Variants in KIAA1671 observed in about 807,000 individuals in gnomAD.
KIAA1671 encodes uncharacterized protein KIAA1671.
Under a neutral mutation model 131.2 loss-of-function variants are expected in KIAA1671, and 52 were observed. The ratio of observed to expected loss-of-function variants is 0.40; its 90% CI spans 0.32 to 0.50. The LOEUF is 0.50. Among genes scored for constraint, KIAA1671 ranks in the 20% least tolerant of loss-of-function variants. The pLI is 0.73. For missense variants in KIAA1671, 2,360 were observed against 2,364.2 expected (o/e 1.00, Z 0.04); for synonymous variants, 1,003 against 961.6 (o/e 1.04, Z -0.80).
chr22:24,970,869 A>G (rs368052658), intron 1 of KIAA1671, among the ~76,000 whole-genome samples: 1 of 152,206 alleles, frequency 6.6e-6, no homozygotes, highest in East Asian at 1.9e-4. Context: ...AGCACCAACA[A>G]TGCAGACTGA....
chr22:25,189,136 T>C (rs1934581672), intron 11 of KIAA1671, among the ~76,000 whole-genome samples: 1 of 149,906 alleles, frequency 6.7e-6, no homozygotes, highest in Non-Finnish European at 1.5e-5. Context: ...CTTTTTTTTT[T>C]TTTTTTTTTG....
At chr22:25,161,687 A>T (rs1933449160) in intron 6 of KIAA1671, among the ~76,000 whole-genome samples, 2 of 152,126 alleles carry the variant, frequency 1.3e-5, no homozygotes, top group African/African-American at 4.8e-5. Flanking sequence ...GACGGTCCTG[A>T]CAGCTGGGCG....
At chr22:25,076,922 G>A (rs1400532918) in intron 6 of KIAA1671, among the ~76,000 whole-genome samples, 1 of 152,160 alleles carries the variant, frequency 6.6e-6, no homozygotes, top group African/African-American at 2.4e-5. Flanking sequence ...TGCAATTAGG[G>A]AAACTGAGGC....
intron 11 of KIAA1671, among the ~76,000 whole-genome samples, chr22:25,188,070 G>A (rs1345585166): frequency 1.3e-5 from 2 of 152,258 alleles, no homozygotes; most frequent in Admixed American, 6.5e-5. Flanking sequence ...GGAGGCTGAG[G>A]TGGGCGGATC....
chr22:25,182,004 C>A (rs964857283), intron 10 of KIAA1671, among the ~76,000 whole-genome samples, 181 bp downstream of exon 10: 2 of 152,044 alleles, frequency 1.3e-5, no homozygotes, highest in African/African-American at 2.4e-5. Flanking sequence ...GGTGAAACCC[C>A]GTCTCTACTA....
chr22:25,039,198 T>C lies in KIAA1671; in HGVS notation c.2068T>C (p.Leu690=). 1.3e-6 allele frequency: 2 copies of C among 1,552,158 alleles called. No homozygotes were observed. The highest frequency in any genetic ancestry group is 2.0e-5 in the Admixed American group (1 of 51,014). ...ETEKLGPTTL[L]NGELRPYHTP... ...GGAGAAATTGGGACCAACCACCCTT[T>C]TGAATGGTGAACTGAGACCGTATCA... The change falls in exon 5 of 13, where the codon TTG becomes CTG. Residue 690 remains leucine, a synonymous_variant. Transcript: ENST00000358431.
chr22:25,178,959 G>A (rs1934153302), intron 9 of KIAA1671, among the ~76,000 whole-genome samples: 1 of 152,226 alleles, frequency 6.6e-6, no homozygotes, highest in African/African-American at 2.4e-5. Flanking sequence ...TGACCTGCAC[G>A]TGCTGACCAG....
intron 1 of KIAA1671, among the ~76,000 whole-genome samples, chr22:24,971,636 A>C (rs1407083243): frequency 6.6e-6 from 1 of 152,090 alleles, no homozygotes; most frequent in African/African-American, 2.4e-5. Context: ...ACAACATGGT[A>C]CATTCCCAGT....
chr22:25,129,026 G>A (rs1932311610), intron 6 of KIAA1671, among the ~76,000 whole-genome samples: 1 of 152,102 alleles, frequency 6.6e-6, no homozygotes, highest in South Asian at 2.1e-4. Flanking sequence ...GCCGCACTTA[G>A]TGCCAGGGCC....
In KIAA1671 at chr22:25,170,923, G is replaced by A. The variant is rs1043753527; in HGVS notation, c.4634G>A (p.Cys1545Tyr). The A allele has an allele frequency of 1.9e-6, 3 of 1,551,664 alleles. No homozygotes were observed. Among genetic ancestry groups the A allele is most frequent in the Non-Finnish European group, 2.6e-6 (3 of 1,146,992 alleles). The change falls in exon 7 of 13, where the codon TGC (cysteine) becomes TAC (tyrosine). Residue 1545 changes from cysteine (C) to tyrosine (Y), a missense_variant. Transcript: ENST00000358431. ...CAGTATGGGACGTGGACAGAGCAGT[G>A]CCAGAGTGGGGAGAGGTAGGACGCG... The part of the protein sequence containing the change: ...GSQYGTWTEQ[C>Y]QSGESLATES...
chr22:24,977,343 G>A (rs1437482757), intron 1 of KIAA1671, among the ~76,000 whole-genome samples: 1 of 152,186 alleles, frequency 6.6e-6, no homozygotes, highest in East Asian at 1.9e-4. Flanking sequence ...AAAATGTTTG[G>A]CCCATGCCTG....
At chr22:24,958,692 C>T (rs981808538) in intron 1 of KIAA1671, among the ~76,000 whole-genome samples, 1 of 149,898 alleles carries the variant, frequency 6.7e-6, no homozygotes, top group Non-Finnish European at 1.5e-5. Context: ...GTCTGGCGGT[C>T]AGGCACAGTG....
chr22:25,136,255 T>C (rs1174228237), intron 6 of KIAA1671, among the ~76,000 whole-genome samples: 1 of 152,180 alleles, frequency 6.6e-6, no homozygotes, highest in African/African-American at 2.4e-5. Context: ...CCTCTCTCTC[T>C]CTCATACAGA....
chr22:25,077,840 A>G (rs1449620970), intron 6 of KIAA1671, among the ~76,000 whole-genome samples: 1 of 152,170 alleles, frequency 6.6e-6, no homozygotes, highest in East Asian at 1.9e-4. Context: ...CCCTCTTGCT[A>G]CTTGTTCATT....
intron 6 of KIAA1671, among the ~76,000 whole-genome samples, chr22:25,107,485 T>TTTC (rs1931075912): frequency 1.4e-5 from 2 of 140,834 alleles, no homozygotes; most frequent in African/African-American, 5.3e-5. Flanking sequence ...TTTTTTTTTT[T>TTTC]TTTTTTTGAG....
At position 25,041,189 on chromosome 22, in the gene KIAA1671, G is replaced by A; in HGVS notation, c.4059G>A (p.Arg1353=). The A allele has an allele frequency of 6.4e-7, 1 of 1,551,784 alleles. No individual in the cohort carries two copies. The highest frequency in any genetic ancestry group is 8.7e-7 in the Non-Finnish European group (1 of 1,147,014). Residue 1353 remains arginine, a synonymous_variant, in exon 5 of 13, where the codon CGG becomes CGA. Coordinates refer to ENST00000358431, the MANE Select transcript of KIAA1671 (RefSeq NM_001145206.2). ...TGGCTGAGTCAAAGCCCTCTGGTCG[G>A]GAGGATCCAGGCAGTGGGGTCAGGG... ...NYLAESKPSG[R]EDPGSGVRVS... is the part of the protein sequence containing the mutation.
intron 4 of KIAA1671, among the ~76,000 whole-genome samples, chr22:25,034,038 A>G (rs910843449): frequency 2.0e-4 from 30 of 148,186 alleles, no homozygotes; most frequent in Admixed American, 4.0e-4. Context: ...AAGGTTCCTC[A>G]TGCCACTTTG....
chr22:25,035,693 A>G (rs1926549960), intron 4 of KIAA1671, among the ~76,000 whole-genome samples: 2 of 152,228 alleles, frequency 1.3e-5, no homozygotes, highest in African/African-American at 2.4e-5. Context: ...AGCAAGGGCA[A>G]AAAGGCTGTG....
At chr22:25,053,793 T>C (rs998169064) in intron 6 of KIAA1671, 3 of 152,278 alleles carry the variant, frequency 2.0e-5, no homozygotes, top group African/African-American at 7.2e-5. Flanking sequence ...GTAGAGTGTT[T>C]AGGGATTTTG....
Sources: gnomAD v4.1 joint callset for allele counts (sites outside exome capture counted in the v4.1 genomes callset) on GRCh38, gnomAD v4.1.1 for gene constraint, MANE v1.5 for transcripts, NCBI Gene and HGNC (gene_info 2026-07-23, HGNC 2026-07-21) for gene names.